Variants in DAGLA observed in about 807,000 individuals in gnomAD.
The protein encoded by DAGLA is diacylglycerol lipase alpha.
Under a neutral mutation model 102.6 loss-of-function variants are expected in DAGLA, and 22 were observed. The ratio of observed to expected loss-of-function variants is 0.21; its 90% confidence interval spans 0.15 to 0.31. The LOEUF (loss-of-function observed/expected upper bound fraction) is 0.31, where lower values mean the gene tolerates loss of function less well. DAGLA is among the 10% of genes least tolerant of loss of function. The pLI, the probability that DAGLA is intolerant of heterozygous loss-of-function variation, is 1.00. For missense variants in DAGLA, 927 were observed against 1,446.6 expected, an observed-to-expected ratio of 0.64 and a Z score of 5.83; for synonymous variants, 578 against 628.9, an observed-to-expected ratio of 0.92 and a Z score of 1.21.
Position 61,746,972 on chromosome 11 carries a change from A to G in DAGLA, c.*2483A>G, listed in dbSNP as rs904029279. ...ATATAAAGGTTTCTGTATATTGTAT[A>G]GAGCTGTGTATAAACTGGATGTAGA... On this transcript the variant is annotated 3_prime_UTR_variant, in exon 20 of 20. Coordinates refer to ENST00000257215, the MANE Select transcript of DAGLA (RefSeq NM_006133.3). 6.6e-6 allele frequency: 1 copy of G among 152,466 alleles called. No homozygotes were observed. The highest frequency in any genetic ancestry group is 1.5e-5 in the Non-Finnish European group (1 of 68,044). 9.4% of individuals were successfully genotyped at this position (152,466 alleles called of 1,614,324 possible).
chr11:61,693,995 C>G (rs1374252953), intron 1 of DAGLA, among the ~76,000 whole-genome samples: 2 of 152,392 alleles, frequency 1.3e-5, no homozygotes, highest in Non-Finnish European at 2.9e-5. Context: ...TTTGGCATCA[C>G]CTAGGTGACT....
intron 12 of DAGLA, 120 bp downstream of exon 12, chr11:61,735,936 G>A (rs750529342): frequency 1.0e-5 from 10 of 994,766 alleles, no homozygotes; most frequent in Non-Finnish European, 1.3e-5. Context: ...AGATTGGTCA[G>A]AGAGGCATGA....
intron 16 of DAGLA, 71 bp from the exon 17 acceptor site, chr11:61,739,394 T>TC: frequency 9.8e-6 from 10 of 1,019,924 alleles, no homozygotes; most frequent in South Asian, 2.8e-5. Context: ...CCCTTCTCGG[T>TC]CCCCCTGCCC....
Position 61,680,478 on chromosome 11 carries a change from C to T in DAGLA, c.-71C>T. 6.6e-6 allele frequency: 1 copy of T among 151,430 alleles called. No homozygotes were observed. Among genetic ancestry groups the T allele is most frequent in the South Asian group, 1.8e-4 (1 of 5,552 alleles). The allele number at this position is 151,430 out of a possible 1,614,324, so 9.4% of individuals were successfully genotyped here. A position where few individuals can be genotyped will look rare whatever the true frequency, so the allele number is the denominator to read the frequency against. On this transcript the variant is annotated 5_prime_UTR_variant, in exon 1 of 20. Coordinates refer to ENST00000257215, the MANE Select transcript of DAGLA (RefSeq NM_006133.3). Reference sequence around the variant, plus strand: ...AGGATGGAGGTGGCGGTCGCGGCGGCGGGCCGAGCCCTGCGGCGGGCGGGA... The same window carrying T: ...AGGATGGAGGTGGCGGTCGCGGCGGTGGGCCGAGCCCTGCGGCGGGCGGGA...
chr11:61,700,919 C>T (rs890066174), intron 1 of DAGLA, among the ~76,000 whole-genome samples: 1 of 152,238 alleles, frequency 6.6e-6, no homozygotes, highest in African/African-American at 2.4e-5. Context: ...CCGGGCCAGG[C>T]ACTTGGCCAC....
intron 14 of DAGLA, 44 bp from the exon 15 acceptor site, chr11:61,737,643 C>T: frequency 6.4e-7 from 1 of 1,572,278 alleles, no homozygotes. Flanking sequence ...AACACCACCA[C>T]CCCGCCCCCT....
chr11:61,712,831 G>C (rs568304233), intron 1 of DAGLA, among the ~76,000 whole-genome samples: 17 of 152,200 alleles, frequency 1.1e-4, no homozygotes, highest in Middle Eastern at 3.2e-3. Flanking sequence ...TACTGTCTCT[G>C]TGTTTGTGAC....
intron 1 of DAGLA, among the ~76,000 whole-genome samples, chr11:61,697,666 G>T (rs990135001): frequency 1.3e-5 from 2 of 151,490 alleles, no homozygotes; most frequent in Non-Finnish European, 2.9e-5. Context: ...ATATTCTCCT[G>T]TTTTTTTTTA....
intron 1 of DAGLA, among the ~76,000 whole-genome samples, chr11:61,698,050 C>G (rs2065080512): frequency 6.6e-6 from 1 of 152,224 alleles, no homozygotes; most frequent in Non-Finnish European, 1.5e-5. Flanking sequence ...GTACTACTGC[C>G]CTTATCACCC....
rs1031910858 is a variant in DAGLA at position 61,745,790 on chromosome 11, CTG to C, written c.*1302_*1303del. The C allele has an allele frequency of 6.6e-6, 1 of 152,468 alleles. No individual in the cohort carries two copies. The highest frequency in any genetic ancestry group is 1.5e-5 in the Non-Finnish European group (1 of 68,218). The allele number at this position is 152,468 out of a possible 1,614,324, so 9.4% of individuals were successfully genotyped here. On this transcript the variant is annotated 3_prime_UTR_variant, in exon 20 of 20. Coordinates refer to ENST00000257215, the MANE Select transcript of DAGLA (RefSeq NM_006133.3). ...TGCACCGTTCCTAAGGAAGGGGCCT[CTG>C]GGGCTGCCCACCCTACCTGCCCTGC...
At chr11:61,716,816 C>T (rs1165891453) in intron 1 of DAGLA, among the ~76,000 whole-genome samples, 1 of 152,162 alleles carries the variant, frequency 6.6e-6, no homozygotes, top group Admixed American at 6.5e-5. Context: ...GTACTTAGTC[C>T]AGGGGCCTGA....
intron 1 of DAGLA, 54 bp downstream of exon 1, chr11:61,680,558 G>A (rs994287738): frequency 3.4e-5 from 5 of 149,136 alleles, no homozygotes; most frequent in Non-Finnish European, 6.0e-5. Context: ...CGCGGTGCGA[G>A]CGGCGCGGCG....
intron 1 of DAGLA, among the ~76,000 whole-genome samples, chr11:61,697,052 G>A (rs561899697): frequency 7.0e-4 from 107 of 152,280 alleles, no homozygotes; most frequent in African/African-American, 2.5e-3. Flanking sequence ...AGGGCACAGG[G>A]CGACATTCAG....
chr11:61,724,800 T>A (rs1380412886), intron 5 of DAGLA, among the ~76,000 whole-genome samples: 1 of 152,112 alleles, frequency 6.6e-6, no homozygotes, highest in Non-Finnish European at 1.5e-5. Context: ...CAGCACACTG[T>A]CCCTTCATGC....
intron 14 of DAGLA, 57 bp from the exon 15 acceptor site, chr11:61,737,630 C>T (rs1277323803): frequency 1.3e-5 from 20 of 1,526,922 alleles, no homozygotes; most frequent in East Asian, 2.3e-5. Context: ...CCCCCGATTC[C>T]GGAACACCAC....
chr11:61,728,063 C>T, intron 6 of DAGLA, 90 bp from the exon 7 acceptor site: 2 of 1,481,730 alleles, frequency 1.3e-6, no homozygotes, highest in South Asian at 1.2e-5. Flanking sequence ...CCTGCTTCTG[C>T]AGCCTCCCAG....
intron 17 of DAGLA, among the ~76,000 whole-genome samples, chr11:61,740,194 G>A (rs950758390): frequency 4.6e-5 from 7 of 152,184 alleles, no homozygotes; most frequent in Non-Finnish European, 7.4e-5. Flanking sequence ...GAGCTGGGCC[G>A]TGCAGCAGGT....
chr11:61,680,855 G>A (rs1204335541), intron 1 of DAGLA, among the ~76,000 whole-genome samples: 1 of 152,144 alleles, frequency 6.6e-6, no homozygotes, highest in Non-Finnish European at 1.5e-5. Context: ...CACGGCCTTC[G>A]GACTGGTTAT....
chr11:61,704,206 C>T (rs198457), intron 1 of DAGLA, among the ~76,000 whole-genome samples: 18,504 of 151,512 alleles, frequency 0.12, 1,544 homozygotes, highest in Middle Eastern at 0.24. Context: ...GGCACCTCTG[C>T]CTCCCGGGTT....
Sources: gnomAD v4.1 joint callset for allele counts (sites outside exome capture counted in the v4.1 genomes callset) on GRCh38, gnomAD v4.1.1 for gene constraint, MANE v1.5 for transcripts, NCBI Gene and HGNC (gene_info 2026-07-23, HGNC 2026-07-21) for gene names.